The following B3GALT1 variants were observed in gnomAD, a reference collection of about 807,000 sequenced individuals.
B3GALT1 encodes UDP-Gal:betaGlcNAc beta 1,3-galactosyltransferase, polypeptide 1.
B3GALT1 carries 10 observed loss-of-function variants against 23.2 expected under a neutral mutation model. The observed-to-expected ratio is 0.43, with a 90% CI of 0.27 to 0.73. B3GALT1 has a LOEUF of 0.73. B3GALT1 is among the 30% of genes least tolerant of loss of function. The pLI, the probability that B3GALT1 is intolerant of heterozygous loss-of-function variation, is 0.21. For synonymous variants in B3GALT1, 156 were observed against 141.5 expected (o/e 1.10, Z -0.73); for missense variants, 299 against 405.4 (o/e 0.74, Z 2.25).
chr2:167,561,746 A>G (rs1683998168), intron 2 of B3GALT1, among the ~76,000 whole-genome samples: 1 of 152,250 alleles, frequency 6.6e-6, no homozygotes, highest in Non-Finnish European at 1.5e-5. Flanking sequence ...CTCTCCCAAG[A>G]CTAAACCAAG....
chr2:167,368,492 TAA>T (rs1399712043), intron 1 of B3GALT1, among the ~76,000 whole-genome samples: 1 of 152,176 alleles, frequency 6.6e-6, no homozygotes, highest in Admixed American at 6.5e-5. Context: ...AGGGCAGAAG[TAA>T]CAAAGACTGC....
intron 4 of B3GALT1, among the ~76,000 whole-genome samples, 46 bp from the exon 5 acceptor site, chr2:167,868,765 C>T (rs1333098940): frequency 2.0e-5 from 3 of 152,034 alleles, no homozygotes; most frequent in Admixed American, 6.6e-5. Flanking sequence ...GTATGTAGAA[C>T]GATGACATAA....
chr2:167,440,344 GAAAAA>G (rs745706207), intron 1 of B3GALT1, among the ~76,000 whole-genome samples: 1 of 70,140 alleles, frequency 1.4e-5, no homozygotes, highest in Non-Finnish European at 3.0e-5. Flanking sequence ...GACTCTGTCT[GAAAAA>G]AAAAAAAAAA....
intron 1 of B3GALT1, among the ~76,000 whole-genome samples, chr2:167,395,934 C>CA (rs1311294845): frequency 6.6e-6 from 1 of 151,896 alleles, no homozygotes; most frequent in African/African-American, 2.4e-5. Context: ...GACTTTTATC[C>CA]AAAAAACTAC....
chr2:167,349,517 G>T (rs1263320086), intron 1 of B3GALT1, among the ~76,000 whole-genome samples: 1 of 152,154 alleles, frequency 6.6e-6, no homozygotes. Flanking sequence ...GAAAAAAATT[G>T]TATGCCGAGG....
At chr2:167,552,091 T>C (rs148890311) in intron 2 of B3GALT1, among the ~76,000 whole-genome samples, 53 of 152,314 alleles carry the variant, frequency 3.5e-4, no homozygotes, top group African/African-American at 1.2e-3. Context: ...GCTGCATCAG[T>C]TTTGCTTGCA....
chr2:167,678,177 T>C (rs1240978668), intron 3 of B3GALT1, among the ~76,000 whole-genome samples: 1 of 152,220 alleles, frequency 6.6e-6, no homozygotes, highest in Non-Finnish European at 1.5e-5. Flanking sequence ...AATTAGCCTT[T>C]CTATCTTTGT....
chr2:167,814,246 C>T (rs1688946618), intron 3 of B3GALT1, among the ~76,000 whole-genome samples: 1 of 152,160 alleles, frequency 6.6e-6, no homozygotes, highest in African/African-American at 2.4e-5. Flanking sequence ...GGTCATATCA[C>T]TAAGTTGTAT....
chr2:167,432,828 G>T (rs1362602597), intron 1 of B3GALT1, among the ~76,000 whole-genome samples: 2 of 152,164 alleles, frequency 1.3e-5, no homozygotes, highest in Admixed American at 1.3e-4. Context: ...CAGAGTTCCT[G>T]CATACCCTGG....
At chr2:167,758,404 A>T (rs1465310365) in intron 3 of B3GALT1, among the ~76,000 whole-genome samples, 1 of 152,140 alleles carries the variant, frequency 6.6e-6, no homozygotes, top group Non-Finnish European at 1.5e-5. Context: ...TTCTGAGATG[A>T]TCTCAGCGAT....
chr2:167,484,696 T>G (rs770074612), intron 1 of B3GALT1, among the ~76,000 whole-genome samples: 6 of 152,154 alleles, frequency 3.9e-5, no homozygotes, highest in Non-Finnish European at 5.9e-5. Context: ...TGGCTACCCT[T>G]AGAGGCAATA....
At chr2:167,694,148 CTCCTAA>C (rs1194531976) in intron 3 of B3GALT1, among the ~76,000 whole-genome samples, 1 of 152,066 alleles carries the variant, frequency 6.6e-6, no homozygotes, top group Non-Finnish European at 1.5e-5. Flanking sequence ...AGAGGCCCCC[CTCCTAA>C]TACCATCACA....
chr2:167,338,854 A>T (rs1436145908), intron 1 of B3GALT1, among the ~76,000 whole-genome samples: 1 of 152,140 alleles, frequency 6.6e-6, no homozygotes, highest in South Asian at 2.1e-4. Context: ...TTAATCAAGA[A>T]GTCATTGATA....
At chr2:167,677,360 C>T (rs1395709324) in intron 3 of B3GALT1, among the ~76,000 whole-genome samples, 1 of 152,194 alleles carries the variant, frequency 6.6e-6, no homozygotes, top group Non-Finnish European at 1.5e-5. Flanking sequence ...TTCTTTTCTT[C>T]ACATAAAAAT....
chr2:167,869,398 A>G lies in B3GALT1; in HGVS notation c.359A>G (p.Lys120Arg), dbSNP rs1287562399. 6 of 1,614,020 alleles carry G rather than the reference A, an allele frequency of 3.7e-6. No individual in the cohort carries two copies. In the Admixed American group the frequency reaches 1.0e-4, roughly 27 times the overall value. ...IKIATLFLLG[K>R]NADPVLNQMV... ...ATAGCCACCCTGTTCCTCCTGGGCA[A>G]GAATGCTGATCCTGTTCTCAATCAG... Residue 120 changes from lysine (K) to arginine (R), a missense_variant, in exon 5 of 5, where the codon AAG (lysine) becomes AGG (arginine). By Grantham distance (26) the Lys-to-Arg change is conservative (BLOSUM62 2). This residue lies in a region of B3GALT1 where 162 missense variants were observed against 184.1 expected (regional missense o/e 0.88). Transcript: ENST00000392690. This position sits in a 1 kb window ranked among gnomAD's most constrained non-coding sequence, Gnocchi z 6.4.
intron 2 of B3GALT1, among the ~76,000 whole-genome samples, chr2:167,586,044 C>G (rs2105411623): frequency 6.6e-6 from 1 of 152,270 alleles, no homozygotes; most frequent in Admixed American, 6.5e-5. Flanking sequence ...GGTAAAGCGC[C>G]ATTTTTTGGA....
intron 2 of B3GALT1, among the ~76,000 whole-genome samples, chr2:167,559,414 G>A (rs1683923651): frequency 6.6e-6 from 1 of 152,194 alleles, no homozygotes; most frequent in African/African-American, 2.4e-5. Context: ...CTCCTCCAAA[G>A]GAACGCAATT....
At chr2:167,325,933 G>A (rs1426294106) in intron 1 of B3GALT1, among the ~76,000 whole-genome samples, 4 of 151,756 alleles carry the variant, frequency 2.6e-5, no homozygotes, top group Non-Finnish European at 4.4e-5. Context: ...GGCTAGGCTG[G>A]TCTTGAGCTC....
At chr2:167,427,818 A>G (rs1412804530) in intron 1 of B3GALT1, among the ~76,000 whole-genome samples, 11 of 152,202 alleles carry the variant, frequency 7.2e-5, no homozygotes, top group Admixed American at 2.0e-4. Flanking sequence ...GGTTTCTCTC[A>G]TCTCTTCCTT....
Sources: allele counts gnomAD v4.1 joint callset (sites outside exome capture counted in the v4.1 genomes callset), GRCh38; gene constraint gnomAD v4.1.1; regional missense constraint gnomAD v4.1.1; non-coding constraint Gnocchi (gnomAD v3.1); transcripts MANE v1.5; gene names NCBI Gene and HGNC (gene_info 2026-07-23, HGNC 2026-07-21).